The following PPP2R2B variants were observed in gnomAD, a reference collection of about 807,000 sequenced individuals.
The protein encoded by PPP2R2B is protein phosphatase 2 regulatory subunit Bbeta.
In PPP2R2B, 5 loss-of-function variants were observed where a neutral mutation model predicts 46.0. That is an observed-to-expected ratio of 0.11 (90% CI 0.06 to 0.23). The LOEUF is 0.23. Ranked by LOEUF, PPP2R2B falls within the 10% of genes least tolerant of loss-of-function variation. PPP2R2B has a pLI of 1.00. For synonymous variants in PPP2R2B, 215 were observed against 206.7 expected (o/e 1.04, Z -0.34); for missense variants, 367 against 575.0 (o/e 0.64, Z 3.70).
Position 146,593,448 on chromosome 5 carries a change from C to T in PPP2R2B, c.961-386G>A, listed in dbSNP as rs537688107. On this transcript the variant is annotated intron_variant, in intron 8 of 9. Transcript: ENST00000394411. ...TGAGATGCAGCAGTGAGCCAAATAT[C>T]CTTGCAGTGCTTTTGACCCAGTGTC... Among the ~76,000 whole-genome samples the T allele has an allele frequency of 7.2e-5, 11 of 152,308 alleles. No individual in the cohort carries two copies. In the South Asian group the frequency reaches 2.3e-3, roughly 32 times the overall value.
At chr5:146,749,912 T>C (rs1052868851) in intron 2 of PPP2R2B, among the ~76,000 whole-genome samples, 3 of 152,150 alleles carry the variant, frequency 2.0e-5, no homozygotes, top group Admixed American at 6.5e-5. Flanking sequence ...TCCTTTTTTT[T>C]CTAAGAATTT....
intron 4 of PPP2R2B, among the ~76,000 whole-genome samples, chr5:146,694,185 A>C (rs555768447): frequency 6.6e-6 from 1 of 152,214 alleles, no homozygotes; most frequent in East Asian, 1.9e-4. Flanking sequence ...GTATCTGGGC[A>C]TCACTTGGGC....
intron 1 of PPP2R2B, among the ~76,000 whole-genome samples, chr5:147,023,060 A>C (rs1323069536): frequency 6.6e-6 from 1 of 152,184 alleles, no homozygotes; most frequent in Non-Finnish European, 1.5e-5. Context: ...TAATTTTTTT[A>C]AAAAAGAATA....
rs1413390567 is a variant in PPP2R2B at position 146,886,373 on chromosome 5, A to AAT, written c.79+169291_79+169292insAT. On this transcript the variant is annotated intron_variant, in intron 1 of 8. Coordinates refer to the PPP2R2B transcript ENST00000336640. Reference sequence around the variant, plus strand: ...TAAATAAATAAATAAATAAATAATAAAACTAAAATAAAATAAAATAAATTT... The same window carrying AAT: ...TAAATAAATAAATAAATAAATAATAAATAACTAAAATAAAATAAAATAAATTT... Among the ~76,000 whole-genome samples the AAT allele has an allele frequency of 9.3e-5, 14 of 151,334 alleles. 1 individual carries two copies. The East Asian group carries it at 1.3e-3, about 15-fold the overall frequency.
intron 1 of PPP2R2B, among the ~76,000 whole-genome samples, chr5:147,009,405 G>A (rs955341534): frequency 1.1e-4 from 17 of 151,942 alleles, no homozygotes; most frequent in African/African-American, 4.1e-4. Flanking sequence ...AATGAGGTAG[G>A]GGATACATAC....
intron 5 of PPP2R2B, among the ~76,000 whole-genome samples, chr5:146,675,437 C>T (rs1031497267): frequency 3.3e-5 from 5 of 152,098 alleles, no homozygotes; most frequent in Admixed American, 3.3e-4. Flanking sequence ...TGTGGGATAG[C>T]AGGTTAGTTG....
chr5:146,718,541 A>G (rs1025944252), intron 2 of PPP2R2B, among the ~76,000 whole-genome samples: 2 of 152,156 alleles, frequency 1.3e-5, no homozygotes, highest in Non-Finnish European at 2.9e-5. Flanking sequence ...GAAAATTTGA[A>G]AACCAATAAA....
chr5:147,080,950 G>A (rs1757952630), intron 2 of PPP2R2B: 1 of 978,744 alleles, frequency 1.0e-6, no homozygotes, highest in African/African-American at 1.6e-5. Context: ...ATGCAATTTT[G>A]GGGTGTGTGG....
At chr5:146,977,372 A>T (rs1338014394) in intron 1 of PPP2R2B, among the ~76,000 whole-genome samples, 2 of 150,910 alleles carry the variant, frequency 1.3e-5, no homozygotes, top group Non-Finnish European at 3.0e-5. Flanking sequence ...GTCTCTTTTA[A>T]TATTATTATT....
intron 7 of PPP2R2B, among the ~76,000 whole-genome samples, chr5:146,628,676 C>A (rs541947886): frequency 6.6e-6 from 1 of 152,214 alleles, no homozygotes; most frequent in Non-Finnish European, 1.5e-5. Context: ...AGAACCTACC[C>A]TGTGCCACCA....
intron 1 of PPP2R2B, among the ~76,000 whole-genome samples, chr5:147,026,320 A>G (rs1338117532): frequency 3.3e-5 from 5 of 152,172 alleles, no homozygotes; most frequent in African/African-American, 2.4e-5. Context: ...ACACAGTAAC[A>G]TTGATGAATC....
intron 5 of PPP2R2B, among the ~76,000 whole-genome samples, chr5:146,682,355 GA>G: frequency 6.6e-6 from 1 of 152,090 alleles, no homozygotes; most frequent in East Asian, 1.9e-4. Flanking sequence ...GACAAGATGG[GA>G]AAAAAGAGGA....
intron 1 of PPP2R2B, among the ~76,000 whole-genome samples, chr5:146,945,107 C>A (rs949640853): frequency 1.3e-5 from 2 of 152,126 alleles, no homozygotes; most frequent in African/African-American, 4.8e-5. Flanking sequence ...ACTTTAATGA[C>A]CCATGTTAAA....
chr5:146,599,901 G>C (rs1264926424), intron 8 of PPP2R2B, among the ~76,000 whole-genome samples: 1 of 152,142 alleles, frequency 6.6e-6, no homozygotes, highest in Non-Finnish European at 1.5e-5. Context: ...GTTCATGGCA[G>C]TTAAGACTCA....
intron 6 of PPP2R2B, among the ~76,000 whole-genome samples, chr5:146,642,137 A>T (rs1775263586): frequency 6.6e-6 from 1 of 152,178 alleles, no homozygotes. Flanking sequence ...TGAGGACAGG[A>T]GGGGGCATAG....
intron 2 of PPP2R2B, among the ~76,000 whole-genome samples, chr5:146,781,967 G>A (rs1174190786): frequency 6.6e-6 from 1 of 152,184 alleles, no homozygotes; most frequent in Non-Finnish European, 1.5e-5. Context: ...GGCAGTTTCT[G>A]TTGAATGGTT....
chr5:146,896,106 T>C (rs1489930790), intron 1 of PPP2R2B, among the ~76,000 whole-genome samples: 1 of 152,164 alleles, frequency 6.6e-6, no homozygotes, highest in Non-Finnish European at 1.5e-5. Flanking sequence ...GGTCAGGCTT[T>C]TGGAGTTACA....
intron 1 of PPP2R2B, among the ~76,000 whole-genome samples, chr5:146,887,638 G>T (rs949341615): frequency 2.0e-5 from 3 of 152,190 alleles, no homozygotes; most frequent in Non-Finnish European, 2.9e-5. Context: ...AGACAAGAAA[G>T]ATGTGATATA....
rs1780739080 is a variant in PPP2R2B at position 146,720,568 on chromosome 5, A to G, written c.71-19426T>C. On this transcript the variant is annotated intron_variant, in intron 2 of 9. Coordinates refer to ENST00000394411, the MANE Select transcript of PPP2R2B (RefSeq NM_181675.4). ...AACACTGTTGGGAAATAGCTCATACACTGTCCCTCATCTTGGGGATTTATC... is the reference window on the plus strand; with the variant it reads ...AACACTGTTGGGAAATAGCTCATACGCTGTCCCTCATCTTGGGGATTTATC... 2.0e-5 allele frequency among the ~76,000 whole-genome samples: 3 copies of G among 152,162 alleles called. No homozygotes were observed. The South Asian group carries it at 6.2e-4, about 32-fold the overall frequency.
Sources: gnomAD v4.1 joint callset for allele counts (sites outside exome capture counted in the v4.1 genomes callset) on GRCh38, gnomAD v4.1.1 for gene constraint, MANE v1.5 for transcripts, NCBI Gene and HGNC (gene_info 2026-07-23, HGNC 2026-07-21) for gene names.